Variants in PRKCH observed in about 807,000 individuals in gnomAD.
PRKCH encodes the protein protein kinase C eta type.
Under a neutral mutation model 82.5 loss-of-function variants are expected in PRKCH, and 28 were observed. The ratio of observed to expected loss-of-function variants is 0.34; its 90% CI spans 0.25 to 0.47. PRKCH has a LOEUF of 0.47. Among genes scored for constraint, PRKCH ranks in the 20% least tolerant of loss-of-function variants. The pLI is 1.00. For missense variants in PRKCH, 705 were observed against 881.8 expected, an observed-to-expected ratio of 0.80 and a Z score of 2.54; for synonymous variants, 322 against 327.4, an observed-to-expected ratio of 0.98 and a Z score of 0.18.
At position 61,402,864 on chromosome 14, in the gene PRKCH, T is replaced by A. The variant is rs111561077; in HGVS notation, c.427+11576T>A. ...TTTTTTTTTAATTAATTAATTAATT[T>A]ATTTATTTTATTTTTATTTATTATT... is the stretch of plus-strand genomic sequence containing the variant. On this transcript the variant is annotated intron_variant, in intron 2 of 13. Coordinates refer to ENST00000332981, the MANE Select transcript of PRKCH (RefSeq NM_006255.5). Among the ~76,000 whole-genome samples the A allele has an allele frequency of 4.8e-3, 731 of 151,000 alleles. 4 individuals are homozygous for A. The highest frequency in any genetic ancestry group is 0.019 in the East Asian group (96 of 5,170).
At chr14:61,330,955 C>CAA (rs33981035) in intron 1 of PRKCH, among the ~76,000 whole-genome samples, 140,685 of 151,634 alleles carry the variant, frequency 0.93, 66,127 homozygotes, top group Non-Finnish European at 1. Context: ...CTGATGAGCT[C>CAA]AAAAAAAATC....
intron 2 of PRKCH, among the ~76,000 whole-genome samples, chr14:61,428,102 T>C (rs1291881846): frequency 1.1e-4 from 11 of 103,748 alleles, no homozygotes; most frequent in Non-Finnish European, 1.8e-4. Context: ...CACACATATA[T>C]ATATACACAC....
At chr14:61,449,772 C>T (rs970799728) in intron 5 of PRKCH, among the ~76,000 whole-genome samples, 1 of 151,958 alleles carries the variant, frequency 6.6e-6, no homozygotes, top group African/African-American at 2.4e-5. Flanking sequence ...TGATGTGATA[C>T]ATATGTTAAT....
chr14:61,391,327 A>G, intron 2 of PRKCH, 39 bp downstream of exon 2: 1 of 1,513,928 alleles, frequency 6.6e-7, no homozygotes, highest in Non-Finnish European at 9.1e-7. Flanking sequence ...AATACATGTA[A>G]TCTTGGTTTA....
chr14:61,207,421 A>T (rs1031163262), intron 1 of PRKCH, among the ~76,000 whole-genome samples: 1 of 152,202 alleles, frequency 6.6e-6, no homozygotes, highest in Non-Finnish European at 1.5e-5. Context: ...ATCCACTTGC[A>T]CATGAGCTCC....
At chr14:61,281,194 C>T in intron 1 of PRKCH, 2 of 1,158,706 alleles carry the variant, frequency 1.7e-6, no homozygotes, top group South Asian at 3.7e-5. Flanking sequence ...GTGGGGGCCC[C>T]GCCGCGGGGC....
chr14:61,433,093 T>C (rs1883500846), intron 2 of PRKCH, among the ~76,000 whole-genome samples: 2 of 148,140 alleles, frequency 1.4e-5, no homozygotes, highest in African/African-American at 2.5e-5. Context: ...GGTTCAAAGC[T>C]CTCACCTTGG....
chr14:61,454,097 T>C (rs770039672), intron 7 of PRKCH, among the ~76,000 whole-genome samples: 3 of 151,934 alleles, frequency 2.0e-5, no homozygotes, highest in Admixed American at 1.3e-4. Context: ...TCCTTTTTTT[T>C]TTCTTTTTTC....
intron 1 of PRKCH, among the ~76,000 whole-genome samples, chr14:61,357,586 C>T (rs931783439): frequency 6.6e-6 from 1 of 152,204 alleles, no homozygotes; most frequent in Admixed American, 6.5e-5. Context: ...CTGCGTTTTC[C>T]ATTTTTGTGC....
At chr14:61,299,430 G>A (rs139569877) in intron 1 of PRKCH, among the ~76,000 whole-genome samples, 187 of 152,218 alleles carry the variant, frequency 1.2e-3, no homozygotes, top group African/African-American at 4.2e-3. Context: ...GAGCCCACTC[G>A]CCCAACTCCT....
intron 1 of PRKCH, among the ~76,000 whole-genome samples, chr14:61,210,268 C>T (rs1046771975): frequency 1.3e-5 from 2 of 150,994 alleles, no homozygotes; most frequent in East Asian, 1.9e-4. Context: ...AAGCCGAGAT[C>T]GTGCCACTGC....
At chr14:61,431,335 A>G (rs189686684) in intron 2 of PRKCH, among the ~76,000 whole-genome samples, 12 of 152,358 alleles carry the variant, frequency 7.9e-5, no homozygotes, top group Admixed American at 1.3e-4. Flanking sequence ...GCCATTGTGT[A>G]AAAATCCCAA....
chr14:61,246,834 C>T (rs2044888484), intron 1 of PRKCH, among the ~76,000 whole-genome samples: 1 of 152,140 alleles, frequency 6.6e-6, no homozygotes, highest in African/African-American at 2.4e-5. Flanking sequence ...GCAATCCTCC[C>T]ACCTCAGCCT....
At chr14:61,281,084 G>A in intron 1 of PRKCH, 1 of 1,512,356 alleles carries the variant, frequency 6.6e-7, no homozygotes. Context: ...GCGGGGAGGC[G>A]CTGCTGAGTG....
chr14:61,455,242 G>A (rs117172237), intron 7 of PRKCH, among the ~76,000 whole-genome samples: 5,733 of 148,328 alleles, frequency 0.039, 198 homozygotes, highest in African/African-American at 0.087. Flanking sequence ...GGGTTTCAAC[G>A]TGTTACCCAG....
intron 2 of PRKCH, among the ~76,000 whole-genome samples, chr14:61,395,295 C>CCA (rs1025222673): frequency 6.8e-6 from 1 of 146,488 alleles, no homozygotes; most frequent in Non-Finnish European, 1.5e-5. Context: ...ATGGAGCCCC[C>CCA]CCCCGCATTT....
chr14:61,294,588 C>T (rs1205230505), intron 1 of PRKCH, among the ~76,000 whole-genome samples: 1 of 151,804 alleles, frequency 6.6e-6, no homozygotes, highest in Non-Finnish European at 1.5e-5. Context: ...AATCTTTTAA[C>T]TGTGATGGTA....
chr14:61,314,517 C>T (rs181158913), intron 1 of PRKCH, among the ~76,000 whole-genome samples: 1 of 152,308 alleles, frequency 6.6e-6, no homozygotes, highest in African/African-American at 2.4e-5. Context: ...CTCTTGATCA[C>T]CAGGCTGTCT....
intron 1 of PRKCH, among the ~76,000 whole-genome samples, chr14:61,233,940 T>C (rs1321518652): frequency 6.6e-6 from 1 of 152,226 alleles, no homozygotes; most frequent in African/African-American, 2.4e-5. Flanking sequence ...ATTTATTCTT[T>C]TACCCTCGGA....
Sources: gnomAD v4.1 joint callset for allele counts (sites outside exome capture counted in the v4.1 genomes callset) on GRCh38, gnomAD v4.1.1 for gene constraint, MANE v1.5 for transcripts, NCBI Gene and HGNC (gene_info 2026-07-23, HGNC 2026-07-21) for gene names.